RBFOX1: variants seen among roughly 807,000 people sequenced by gnomAD.
RBFOX1 encodes the protein RNA binding protein fox-1 homolog 1.
In RBFOX1, 8 loss-of-function variants were observed where a neutral mutation model predicts 57.7. The ratio of observed to expected loss-of-function variants is 0.14; its 90% CI spans 0.08 to 0.25. The LOEUF (loss-of-function observed/expected upper bound fraction) is 0.25. RBFOX1 is among the 10% of genes least tolerant of loss of function. The pLI is 1.00. For synonymous variants in RBFOX1, 326 were observed against 222.4 expected (o/e 1.47, Z -4.15); for missense variants, 611 against 548.5 (o/e 1.11, Z -1.14).
chr16:5,725,524 A>G (rs2052114326), intron 3 of RBFOX1, among the ~76,000 whole-genome samples: 1 of 151,756 alleles, frequency 6.6e-6, no homozygotes, highest in Non-Finnish European at 1.5e-5. Flanking sequence ...CTTAGCCTCC[A>G]AGTGTTGGGA....
At chr16:5,738,089 G>A (rs898090317) in intron 3 of RBFOX1, among the ~76,000 whole-genome samples, 1 of 146,230 alleles carries the variant, frequency 6.8e-6, no homozygotes, top group Non-Finnish European at 1.5e-5. Context: ...TCTCACTTAT[G>A]AGTGAGAACA....
chr16:6,566,550 G>A (rs1182853128), intron 2 of RBFOX1, among the ~76,000 whole-genome samples: 1 of 151,948 alleles, frequency 6.6e-6, no homozygotes, highest in African/African-American at 2.4e-5. Context: ...CTTATCCCTT[G>A]ACTATTTGTC....
intron 4 of RBFOX1, among the ~76,000 whole-genome samples, chr16:7,327,157 T>C (rs1177436131): frequency 1.3e-5 from 2 of 152,148 alleles, no homozygotes; most frequent in African/African-American, 4.8e-5. Flanking sequence ...GCAGAAGCTG[T>C]CATGGAACAT....
intron 4 of RBFOX1, among the ~76,000 whole-genome samples, chr16:7,300,985 A>G (rs776834738): frequency 1.3e-5 from 2 of 152,138 alleles, no homozygotes; most frequent in African/African-American, 4.8e-5. Context: ...GTGGAGAGAT[A>G]AGAGTATTTT....
intron 4 of RBFOX1, among the ~76,000 whole-genome samples, chr16:5,941,660 C>G (rs1404672445): frequency 6.6e-6 from 1 of 152,020 alleles, no homozygotes; most frequent in Non-Finnish European, 1.5e-5. Context: ...CATGGAAGAC[C>G]TACTGGGGCA....
chr16:7,335,601 AAAAAAAAAC>A (rs1276129292), intron 4 of RBFOX1, among the ~76,000 whole-genome samples: 9 of 64,542 alleles, frequency 1.4e-4, no homozygotes, highest in African/African-American at 1.3e-3. Flanking sequence ...AAAAAAAAAA[AAAAAAAAAC>A]CAAGTGATTT....
At chr16:7,339,851 A>C (rs1031784014) in intron 4 of RBFOX1, among the ~76,000 whole-genome samples, 1 of 152,236 alleles carries the variant, frequency 6.6e-6, no homozygotes, top group Non-Finnish European at 1.5e-5. Flanking sequence ...TATTGAATTC[A>C]GGAATTTTGA....
chr16:7,094,769 T>TGTGTGTGTGTGTGG (rs989908595), intron 4 of RBFOX1, among the ~76,000 whole-genome samples: 183 of 138,984 alleles, frequency 1.3e-3, no homozygotes, highest in African/African-American at 4.3e-3. Flanking sequence ...TGTGTGTGTG[T>TGTGTGTGTGTGTGG]GTGTGTGGGT....
chr16:6,653,729 G>C (rs2098620036), intron 2 of RBFOX1, among the ~76,000 whole-genome samples: 1 of 151,444 alleles, frequency 6.6e-6, no homozygotes, highest in Non-Finnish European at 1.5e-5. Flanking sequence ...GTGGATAGAG[G>C]ATGGATAGAT....
chr16:5,287,824 T>C (rs2063435184), intron 1 of RBFOX1, among the ~76,000 whole-genome samples: 1 of 152,158 alleles, frequency 6.6e-6, no homozygotes, highest in Non-Finnish European at 1.5e-5. Context: ...GCTGGAGAAA[T>C]ATGCTCCGAT....
At chr16:7,461,414 C>T (rs1204970453) in intron 4 of RBFOX1, among the ~76,000 whole-genome samples, 1 of 152,086 alleles carries the variant, frequency 6.6e-6, no homozygotes, top group Admixed American at 6.5e-5. Flanking sequence ...GATCCGCTCA[C>T]CTTAGCCTCC....
intron 4 of RBFOX1, among the ~76,000 whole-genome samples, chr16:7,399,089 A>G (rs2098192103): frequency 6.6e-6 from 1 of 152,160 alleles, no homozygotes; most frequent in Non-Finnish European, 1.5e-5. Context: ...CACGTAATAT[A>G]CTCATGTAAC....
intron 3 of RBFOX1, among the ~76,000 whole-genome samples, chr16:5,812,616 T>C (rs2151782814): frequency 6.6e-6 from 1 of 152,102 alleles, no homozygotes; most frequent in East Asian, 1.9e-4. Flanking sequence ...TGTGCCATCA[T>C]GTCCAGAAAA....
chr16:7,203,066 G>A (rs946850509), intron 4 of RBFOX1, among the ~76,000 whole-genome samples: 1 of 152,138 alleles, frequency 6.6e-6, no homozygotes, highest in African/African-American at 2.4e-5. Context: ...GATTACAGGC[G>A]TGAGCCACTG....
chr16:6,517,967 C>A (rs2096413616), intron 2 of RBFOX1, among the ~76,000 whole-genome samples: 1 of 152,084 alleles, frequency 6.6e-6, no homozygotes, highest in African/African-American at 2.4e-5. Flanking sequence ...GGCTATTTTG[C>A]ATTTTGGAGA....
chr16:6,066,320 A>AAAAAAAAAAAT (rs1555494616), intron 1 of RBFOX1, among the ~76,000 whole-genome samples: 1 of 131,668 alleles, frequency 7.6e-6, no homozygotes, highest in Non-Finnish European at 1.6e-5. Context: ...AAAAAAAAAA[A>AAAAAAAAAAAT]GGCATAATTC....
chr16:7,024,529 G>T (rs182517111), intron 3 of RBFOX1, among the ~76,000 whole-genome samples: 1 of 152,112 alleles, frequency 6.6e-6, no homozygotes, highest in Non-Finnish European at 1.5e-5. Context: ...AAAATTCTTT[G>T]TAGATGTTAG....
intron 4 of RBFOX1, among the ~76,000 whole-genome samples, chr16:7,227,500 A>C (rs920916435): frequency 2.0e-5 from 3 of 152,100 alleles, no homozygotes; most frequent in African/African-American, 7.2e-5. Flanking sequence ...AACTGTCTCT[A>C]CTGAAGTGGT....
Position 6,981,048 on chromosome 16 carries a change from A to AAAAAAAAAC in RBFOX1, c.-15-71001_-15-71000insCAAAAAAAA, listed in dbSNP as rs1599033479. ...GCAGAGCAAGTCTCAGTCTCAAAAAAAAAAAAAAAAACACTAAAAAATTCA... is the reference window on the plus strand; with the variant it reads ...GCAGAGCAAGTCTCAGTCTCAAAAAAAAAAAAAACAAAAAAAAAAACACTAAAAAATTCA... On this transcript the variant is annotated intron_variant, in intron 3 of 15. Transcript: ENST00000550418. Among the ~76,000 whole-genome samples the AAAAAAAAAC allele has an allele frequency of 2.0e-5, 3 of 151,156 alleles. No homozygotes were observed. The South Asian group carries it at 6.3e-4, about 32-fold the overall frequency.
Sources: gnomAD v4.1 joint callset for allele counts (sites outside exome capture counted in the v4.1 genomes callset) on GRCh38, gnomAD v4.1.1 for gene constraint, MANE v1.5 for transcripts, NCBI Gene and HGNC (gene_info 2026-07-23, HGNC 2026-07-21) for gene names.